Variants in CADM2 observed in about 807,000 individuals in gnomAD.
CADM2 encodes cell adhesion molecule 2.
A neutral mutation model predicts 49.8 loss-of-function variants in CADM2; 12 were observed. The ratio of observed to expected loss-of-function variants is 0.24; its 90% confidence interval spans 0.15 to 0.39. CADM2 has a LOEUF of 0.39. Ranked by LOEUF, CADM2 falls within the 10% of genes least tolerant of loss-of-function variation. The probability of loss-of-function intolerance (pLI) is 1.00; values close to 1 mark genes in which losing one functional copy is unlikely to be tolerated. For missense variants in CADM2, 378 were observed against 492.3 expected, an observed-to-expected ratio of 0.77 and a Z score of 2.20; for synonymous variants, 214 against 175.4, an observed-to-expected ratio of 1.22 and a Z score of -1.74.
At chr3:85,646,769 A>T (rs1486849299) in intron 1 of CADM2, among the ~76,000 whole-genome samples, 1 of 151,906 alleles carries the variant, frequency 6.6e-6, no homozygotes, top group East Asian at 1.9e-4. Flanking sequence ...ACTAGGCCAG[A>T]TTTAAAGCCG....
At chr3:85,222,748 TTGCTTATATAA>T (rs1168219934) in intron 1 of CADM2, among the ~76,000 whole-genome samples, 2 of 152,180 alleles carry the variant, frequency 1.3e-5, no homozygotes, top group African/African-American at 4.8e-5. Flanking sequence ...ATTTAACATA[TTGCTTATATAA>T]TGCTAGCATT....
At chr3:86,013,673 G>A (rs1371815098) in intron 8 of CADM2, 1 of 1,602,266 alleles carries the variant, frequency 6.2e-7, no homozygotes. Flanking sequence ...ACCTAACTGT[G>A]TTGGTGGGGT....
At chr3:85,110,951 T>C (rs72905240) in intron 1 of CADM2, among the ~76,000 whole-genome samples, 10,588 of 151,848 alleles carry the variant, frequency 0.07, 1,203 homozygotes, top group African/African-American at 0.24. Flanking sequence ...TCTAAAATAG[T>C]TTTTGGAAGC....
chr3:85,677,669 G>A (rs180920256), intron 1 of CADM2, among the ~76,000 whole-genome samples: 1 of 152,204 alleles, frequency 6.6e-6, no homozygotes, highest in Admixed American at 6.5e-5. Context: ...AATAATGAGG[G>A]ACAGGAACTA....
At chr3:85,535,849 G>A (rs2061411623) in intron 1 of CADM2, among the ~76,000 whole-genome samples, 2 of 152,110 alleles carry the variant, frequency 1.3e-5, no homozygotes, top group Admixed American at 1.3e-4. Flanking sequence ...AGGAAGCCTT[G>A]AGCAGAGCAA....
At chr3:85,997,478 C>T (rs964717861) in intron 8 of CADM2, among the ~76,000 whole-genome samples, 1 of 152,058 alleles carries the variant, frequency 6.6e-6, no homozygotes, top group Non-Finnish European at 1.5e-5. Context: ...CTACTGGCCA[C>T]AAATCATTGA....
intron 1 of CADM2, among the ~76,000 whole-genome samples, chr3:85,094,032 A>G (rs1000840225): frequency 1.3e-5 from 2 of 152,124 alleles, no homozygotes; most frequent in Admixed American, 6.6e-5. Context: ...ATAGGTTTCC[A>G]TTTAAAATGA....
intron 1 of CADM2, among the ~76,000 whole-genome samples, chr3:85,431,607 G>T (rs542817349): frequency 6.6e-6 from 1 of 151,454 alleles, no homozygotes; most frequent in African/African-American, 2.4e-5. Context: ...GAAATAAAAA[G>T]GACCCTGAGG....
At chr3:85,495,838 C>A (rs1166621412) in intron 1 of CADM2, among the ~76,000 whole-genome samples, 1 of 152,012 alleles carries the variant, frequency 6.6e-6, no homozygotes, top group Non-Finnish European at 1.5e-5. Flanking sequence ...ACCGCACAAG[C>A]CATTCATGAG....
intron 1 of CADM2, among the ~76,000 whole-genome samples, chr3:85,434,593 A>G (rs1309645662): frequency 1.3e-5 from 2 of 152,094 alleles, no homozygotes; most frequent in Non-Finnish European, 2.9e-5. Flanking sequence ...TGCCCAAATT[A>G]TAAATTATTT....
At chr3:85,034,865 C>T (rs111908485) in intron 1 of CADM2, among the ~76,000 whole-genome samples, 4,363 of 144,168 alleles carry the variant, frequency 0.03, 78 homozygotes, top group Middle Eastern at 0.077. Context: ...GTGCAGGGCA[C>T]GATTTTGGCT....
chr3:85,101,160 G>A (rs547782481), intron 1 of CADM2, among the ~76,000 whole-genome samples: 39 of 152,066 alleles, frequency 2.6e-4, no homozygotes, highest in Admixed American at 2.0e-3. Context: ...AGGCTGAGGC[G>A]GGAGAATTGC....
At chr3:85,645,349 G>T (rs2107564844) in intron 1 of CADM2, among the ~76,000 whole-genome samples, 1 of 152,010 alleles carries the variant, frequency 6.6e-6, no homozygotes, top group Non-Finnish European at 1.5e-5. Flanking sequence ...TTTAAATAAA[G>T]TAATAAAATT....
At chr3:85,954,000 A>G (rs1723754427) in intron 7 of CADM2, among the ~76,000 whole-genome samples, 1 of 150,992 alleles carries the variant, frequency 6.6e-6, no homozygotes, top group African/African-American at 2.4e-5. Flanking sequence ...TATCAGACAC[A>G]TAGATGTTTC....
At chr3:85,793,304 G>C (rs2071442325) in intron 2 of CADM2, among the ~76,000 whole-genome samples, 1 of 152,068 alleles carries the variant, frequency 6.6e-6, no homozygotes, top group Non-Finnish European at 1.5e-5. Flanking sequence ...TTCAACCACT[G>C]GTGTTAGTTA....
intron 1 of CADM2, among the ~76,000 whole-genome samples, chr3:85,710,306 A>C (rs1425363433): frequency 2.6e-5 from 4 of 151,998 alleles, no homozygotes; most frequent in Non-Finnish European, 5.9e-5. Flanking sequence ...AGCTTTTCTT[A>C]TGTGTGGAAA....
chr3:85,482,940 T>C (rs932162094), intron 1 of CADM2, among the ~76,000 whole-genome samples: 1 of 151,654 alleles, frequency 6.6e-6, no homozygotes, highest in African/African-American at 2.4e-5. Context: ...AATATATATT[T>C]GACAAAATTA....
intron 1 of CADM2, among the ~76,000 whole-genome samples, chr3:85,355,040 G>T (rs573231179): frequency 6.6e-6 from 1 of 152,150 alleles, no homozygotes; most frequent in East Asian, 1.9e-4. Flanking sequence ...ACTTCAGAGC[G>T]TGTCGATGCT....
chr3:85,769,660 GTA>G (rs1178068219), intron 2 of CADM2, among the ~76,000 whole-genome samples: 4 of 123,630 alleles, frequency 3.2e-5, no homozygotes, highest in African/African-American at 1.1e-4. Flanking sequence ...TACATATATA[GTA>G]TATATATACA....
Sources: allele counts gnomAD v4.1 joint callset (sites outside exome capture counted in the v4.1 genomes callset), GRCh38; gene constraint gnomAD v4.1.1; transcripts MANE v1.5; gene names NCBI Gene and HGNC (gene_info 2026-07-23, HGNC 2026-07-21).